Variants in MACROD2 observed in about 807,000 individuals in gnomAD.
MACROD2 encodes mono-ADP ribosylhydrolase 2.
A neutral mutation model predicts 70.4 loss-of-function variants in MACROD2; 36 were observed. The ratio of observed to expected loss-of-function variants is 0.51; its 90% CI spans 0.39 to 0.68. The LOEUF is 0.68. MACROD2 is among the 30% of genes least tolerant of loss of function. The pLI is 0.00. For missense variants in MACROD2, 496 were observed against 538.4 expected, an observed-to-expected ratio of 0.92 and a Z score of 0.78; for synonymous variants, 172 against 178.8, an observed-to-expected ratio of 0.96 and a Z score of 0.30.
At chr20:14,467,006 G>T (rs2084459905) in intron 3 of MACROD2, among the ~76,000 whole-genome samples, 1 of 152,168 alleles carries the variant, frequency 6.6e-6, no homozygotes, top group Non-Finnish European at 1.5e-5. Flanking sequence ...GAGGCATTCT[G>T]CCCATTCTCA....
intron 4 of MACROD2, among the ~76,000 whole-genome samples, chr20:14,613,273 A>G (rs1983281664): frequency 6.6e-6 from 1 of 152,162 alleles, no homozygotes; most frequent in African/African-American, 2.4e-5. Flanking sequence ...AGAATAAGCA[A>G]TGATTCATAC....
At chr20:14,458,442 C>A (rs2084329342) in intron 3 of MACROD2, among the ~76,000 whole-genome samples, 1 of 152,064 alleles carries the variant, frequency 6.6e-6, no homozygotes, top group Admixed American at 6.5e-5. Flanking sequence ...TGACAAAGTT[C>A]TTGAAAATGT....
intron 4 of MACROD2, among the ~76,000 whole-genome samples, chr20:14,497,172 T>G (rs2084863118): frequency 6.6e-6 from 1 of 151,810 alleles, no homozygotes; most frequent in African/African-American, 2.4e-5. Flanking sequence ...ATTCCTTGGC[T>G]TATTTTCACA....
intron 9 of MACROD2, among the ~76,000 whole-genome samples, chr20:15,885,457 A>G (rs2064809961): frequency 6.6e-6 from 1 of 152,206 alleles, no homozygotes; most frequent in Admixed American, 6.5e-5. Flanking sequence ...ATTTTGAGCA[A>G]TTGAAATGAC....
chr20:14,169,357 T>C (rs2081199122), intron 3 of MACROD2, among the ~76,000 whole-genome samples: 2 of 151,994 alleles, frequency 1.3e-5, no homozygotes, highest in African/African-American at 4.8e-5. Flanking sequence ...CAGGGTGGAG[T>C]GCAATGGTGC....
intron 2 of MACROD2, among the ~76,000 whole-genome samples, chr20:14,045,962 C>T (rs1383268014): frequency 6.6e-6 from 1 of 152,040 alleles, no homozygotes; most frequent in Non-Finnish European, 1.5e-5. Flanking sequence ...TTGAAGAAAG[C>T]CCAGATACGG....
chr20:15,558,073 G>C (rs1244735147), intron 8 of MACROD2, among the ~76,000 whole-genome samples: 1 of 152,166 alleles, frequency 6.6e-6, no homozygotes, highest in Non-Finnish European at 1.5e-5. Context: ...GATATAAAAA[G>C]ATGACAAGAG....
intron 3 of MACROD2, among the ~76,000 whole-genome samples, chr20:14,404,815 A>T (rs749557506): frequency 2.8e-4 from 42 of 152,128 alleles, no homozygotes; most frequent in Non-Finnish European, 4.9e-4. Flanking sequence ...GAGAAGCACA[A>T]AATGCAACAC....
At chr20:14,819,384 A>G (rs1262537621) in intron 5 of MACROD2, among the ~76,000 whole-genome samples, 9 of 104,560 alleles carry the variant, frequency 8.6e-5, no homozygotes, top group Admixed American at 4.6e-4. Context: ...TATTGATAAG[A>G]AAAAAAAAAA....
chr20:14,891,620 A>G (rs1772947909), intron 5 of MACROD2, among the ~76,000 whole-genome samples: 1 of 152,118 alleles, frequency 6.6e-6, no homozygotes, highest in Non-Finnish European at 1.5e-5. Flanking sequence ...GCCTTCTTAT[A>G]TACAAGCCTC....
chr20:14,570,310 G>A (rs934596154), intron 4 of MACROD2, among the ~76,000 whole-genome samples: 14 of 151,980 alleles, frequency 9.2e-5, no homozygotes, highest in Non-Finnish European at 1.6e-4. Flanking sequence ...ACTGATCTGT[G>A]GTGTTGTAAG....
chr20:15,051,467 C>T (rs1381872340), intron 5 of MACROD2, among the ~76,000 whole-genome samples: 3 of 151,486 alleles, frequency 2.0e-5, no homozygotes, highest in Non-Finnish European at 4.4e-5. Context: ...ATAGGGCAGG[C>T]AGGACAGCGG....
chr20:15,276,429 T>C (rs1180773505), intron 6 of MACROD2, among the ~76,000 whole-genome samples: 2 of 151,844 alleles, frequency 1.3e-5, no homozygotes, highest in South Asian at 2.1e-4. Flanking sequence ...AAAATCTCAT[T>C]GATCACCTTT....
chr20:14,322,407 C>CTCT, intron 3 of MACROD2, among the ~76,000 whole-genome samples: 1 of 134,396 alleles, frequency 7.4e-6, no homozygotes, highest in South Asian at 2.3e-4. Context: ...AATATAATCT[C>CTCT]TTTTTTTTTT....
At chr20:16,029,560 G>A (rs1304740596) in intron 15 of MACROD2, among the ~76,000 whole-genome samples, 1 of 152,170 alleles carries the variant, frequency 6.6e-6, no homozygotes, top group East Asian at 1.9e-4. Flanking sequence ...CCAGCAAAAG[G>A]AAGGCACCTT....
rs771891914 is a variant in MACROD2 at position 14,326,275 on chromosome 20, A to G, written c.272-167204A>G. 16 of 1,613,790 alleles carry G rather than the reference A, an allele frequency of 9.9e-6. 1 individual carries two copies. ...GGTGACAGACTTCACAGTAATTGTA[A>G]TTGTTTTTCTTGAGGGACTCCCTGT... On this transcript the variant is annotated intron_variant, in intron 3 of 17. Transcript: ENST00000684519. This position sits in a 1 kb window ranked among gnomAD's most constrained non-coding sequence, Gnocchi z 5.5.
At chr20:14,969,761 G>T (rs926147067) in intron 5 of MACROD2, among the ~76,000 whole-genome samples, 3 of 152,010 alleles carry the variant, frequency 2.0e-5, no homozygotes, top group Non-Finnish European at 4.4e-5. Context: ...ATTAGATTCA[G>T]CTGGATAAGG....
intron 3 of MACROD2, among the ~76,000 whole-genome samples, chr20:14,282,484 T>C (rs957000059): frequency 6.6e-6 from 1 of 152,198 alleles, no homozygotes; most frequent in Non-Finnish European, 1.5e-5. Context: ...TACAGCCTGA[T>C]GGGTGGATTC....
At chr20:15,955,291 A>G (rs888892140) in intron 12 of MACROD2, among the ~76,000 whole-genome samples, 1 of 152,206 alleles carries the variant, frequency 6.6e-6, no homozygotes, top group Non-Finnish European at 1.5e-5. Flanking sequence ...AGTCCTGATT[A>G]TGGAGGACTC....
Sources: allele counts gnomAD v4.1 joint callset (sites outside exome capture counted in the v4.1 genomes callset), GRCh38; gene constraint gnomAD v4.1.1; non-coding constraint Gnocchi (gnomAD v3.1); transcripts MANE v1.5; gene names NCBI Gene and HGNC (gene_info 2026-07-23, HGNC 2026-07-21).